The following MLPH variants were observed in gnomAD, a reference collection of about 807,000 sequenced individuals.
MLPH encodes the protein exophilin-3.
A neutral mutation model predicts 72.1 loss-of-function variants in MLPH; 51 were observed. That is an observed-to-expected ratio of 0.71 (90% CI 0.56 to 0.89). MLPH has a LOEUF of 0.89. Among genes scored for constraint, MLPH ranks in the 40% least tolerant of loss-of-function variants. The pLI, the probability that MLPH is intolerant of heterozygous loss-of-function variation, is 0.00. For missense variants in MLPH, 743 were observed against 759.9 expected (o/e 0.98, Z 0.26); for synonymous variants, 301 against 310.1 (o/e 0.97, Z 0.31).
In MLPH at chr2:237,542,608, A is replaced by G; in HGVS notation, c.1488A>G (p.Ala496=). ...IESRIAALRA[A]GLTVKPSGKP... is the part of the protein sequence containing the mutation. Reference sequence around the variant, plus strand: ...CCAGGATTGCAGCCCTGAGGGCCGCAGGGCTCACGGTGAAGCCCTCGGGAA... The same window carrying G: ...CCAGGATTGCAGCCCTGAGGGCCGCGGGGCTCACGGTGAAGCCCTCGGGAA... Residue 496 remains alanine (A), a synonymous_variant, in exon 12 of 16, where the codon GCA becomes GCG. Transcript: ENST00000264605. 1 of 1,602,826 alleles carries G rather than the reference A, an allele frequency of 6.2e-7. No individual in the cohort carries two copies. The highest frequency in any genetic ancestry group is 1.1e-5 in the South Asian group (1 of 89,008).
chr2:237,545,401 T>C, intron 12 of MLPH: 5 of 1,250,830 alleles, frequency 4.0e-6, no homozygotes, highest in Non-Finnish European at 5.2e-6. Flanking sequence ...GTTAGCCAGC[T>C]GTGCCTTTGT....
At chr2:237,533,539 A>G (rs1393213249) in intron 8 of MLPH, among the ~76,000 whole-genome samples, 1 of 152,028 alleles carries the variant, frequency 6.6e-6, no homozygotes, top group Non-Finnish European at 1.5e-5. Context: ...GATTACAGGC[A>G]TGAGCCACCA....
At chr2:237,523,801 G>T (rs769622113) in intron 6 of MLPH, among the ~76,000 whole-genome samples, 9 of 152,134 alleles carry the variant, frequency 5.9e-5, no homozygotes, top group Non-Finnish European at 1.2e-4. Flanking sequence ...CGAGGCCATA[G>T]TCACAAAGAG....
At chr2:237,490,648 G>C (rs530359018) in intron 1 of MLPH, among the ~76,000 whole-genome samples, 1 of 152,288 alleles carries the variant, frequency 6.6e-6, no homozygotes, top group African/African-American at 2.4e-5. Context: ...TCTGAAAATA[G>C]AATGTCGGTG....
chr2:237,535,155 C>A (rs558309649), intron 9 of MLPH, among the ~76,000 whole-genome samples: 3 of 152,260 alleles, frequency 2.0e-5, no homozygotes, highest in African/African-American at 7.2e-5. Flanking sequence ...GGGGTGGCAT[C>A]TGGTGAGGGC....
At chr2:237,527,565 T>C in intron 8 of MLPH, 49 bp downstream of exon 8, 1 of 1,609,278 alleles carries the variant, frequency 6.2e-7, no homozygotes, top group Non-Finnish European at 8.5e-7. Context: ...TTGGGTGGAG[T>C]CTTTTTACCT....
intron 2 of MLPH, among the ~76,000 whole-genome samples, chr2:237,508,743 TC>T (rs1325003072): frequency 6.6e-6 from 1 of 152,160 alleles, no homozygotes; most frequent in Middle Eastern, 3.2e-3. Flanking sequence ...TTTCTCGCCA[TC>T]TCTGTCTTAA....
chr2:237,507,062 CTTTTTTTT>C (rs61091364), intron 2 of MLPH, among the ~76,000 whole-genome samples: 2 of 94,528 alleles, frequency 2.1e-5, no homozygotes, highest in South Asian at 3.7e-4. Context: ...TTTTTTTTTT[CTTTTTTTT>C]TTTTTTTTTT....
At chr2:237,506,490 G>C (rs548037253) in intron 2 of MLPH, among the ~76,000 whole-genome samples, 1 of 152,144 alleles carries the variant, frequency 6.6e-6, no homozygotes, top group South Asian at 2.1e-4. Context: ...AGCAATTCCT[G>C]TCCCTTTTAA....
At chr2:237,542,482 G>A (rs1244943986) in intron 11 of MLPH, 85 bp from the exon 12 acceptor site, 2 of 1,111,504 alleles carry the variant, frequency 1.8e-6, no homozygotes, top group Middle Eastern at 1.9e-4. Context: ...ACTGAGCTGG[G>A]GGCAGCTGCT....
chr2:237,525,859 C>A, intron 7 of MLPH, 54 bp downstream of exon 7: 1 of 1,540,656 alleles, frequency 6.5e-7, no homozygotes, highest in South Asian at 1.1e-5. Context: ...GGGAGCAGGT[C>A]ACTGAGGAAC....
At chr2:237,536,457 C>A (rs879937739) in intron 9 of MLPH, among the ~76,000 whole-genome samples, 2 of 152,226 alleles carry the variant, frequency 1.3e-5, no homozygotes, top group Non-Finnish European at 2.9e-5. Flanking sequence ...GAGGCCCAGG[C>A]TCTCATGAGT....
chr2:237,493,982 T>C (rs1408452385), intron 2 of MLPH, among the ~76,000 whole-genome samples: 1 of 152,046 alleles, frequency 6.6e-6, no homozygotes. Flanking sequence ...CCCAGCACGG[T>C]TTTGTTCCAC....
chr2:237,548,595 G>T (rs769294025), intron 13 of MLPH, among the ~76,000 whole-genome samples: 2 of 152,194 alleles, frequency 1.3e-5, no homozygotes, highest in African/African-American at 4.8e-5. Context: ...TTAGCCGGGC[G>T]CAGTGGCTCA....
chr2:237,551,302 A>G (rs1230333723), intron 14 of MLPH, among the ~76,000 whole-genome samples: 1 of 152,268 alleles, frequency 6.6e-6, no homozygotes, highest in Non-Finnish European at 1.5e-5. Context: ...GGGGAACAGC[A>G]CAACAGGAGC....
chr2:237,507,698 G>C (rs1424825209), intron 2 of MLPH, among the ~76,000 whole-genome samples: 1 of 152,186 alleles, frequency 6.6e-6, no homozygotes, highest in Admixed American at 6.5e-5. Flanking sequence ...GCTCACAGCA[G>C]GCGATATATG....
chr2:237,540,408 C>G lies in MLPH; in HGVS notation c.1165C>G (p.Leu389Val). The change falls in exon 10 of 16, where the codon CTG (leucine) becomes GTG (valine). Residue 389 changes from leucine (L) to valine (V), a missense_variant. Coordinates refer to ENST00000264605, the MANE Select transcript of MLPH (RefSeq NM_024101.7). The part of the protein sequence containing the change: ...DVEEEALRRK[L>V]EELTSNVSDQ... ...AGAGGAGGAGGCCCTGAGGAGGAAG[C>G]TGGAGGAGCTGACCAGCAACGTCAG... 1 of 1,613,568 alleles carries G rather than the reference C, an allele frequency of 6.2e-7. No individual in the cohort carries two copies. Among genetic ancestry groups the G allele is most frequent in the Middle Eastern group, 1.7e-4 (1 of 5,992 alleles).
chr2:237,520,783 G>A (rs2080166182), intron 6 of MLPH, among the ~76,000 whole-genome samples: 2 of 152,176 alleles, frequency 1.3e-5, no homozygotes, highest in African/African-American at 2.4e-5. Flanking sequence ...GCTGAAATTT[G>A]GGTTTGCATA....
At chr2:237,544,460 G>T (rs1574907655) in intron 12 of MLPH, among the ~76,000 whole-genome samples, 1 of 51,422 alleles carries the variant, frequency 1.9e-5, no homozygotes, top group Admixed American at 1.9e-4. Context: ...TGGGGGGACA[G>T]TAGTGAGTGG....
Sources: allele counts gnomAD v4.1 joint callset (sites outside exome capture counted in the v4.1 genomes callset), GRCh38; gene constraint gnomAD v4.1.1; transcripts MANE v1.5; gene names NCBI Gene and HGNC (gene_info 2026-07-23, HGNC 2026-07-21).